The following EXOC2 variants were observed in gnomAD, a reference collection of about 807,000 sequenced individuals.
EXOC2 encodes the protein SEC5-like 1.
EXOC2 carries 70 observed loss-of-function variants against 131.8 expected under a neutral mutation model. The observed-to-expected ratio is 0.53, with a 90% CI of 0.44 to 0.65. The LOEUF (loss-of-function observed/expected upper bound fraction) is 0.65. EXOC2 is among the 30% of genes least tolerant of loss of function. EXOC2 has a pLI of 0.00. For synonymous variants in EXOC2, 411 were observed against 398.4 expected (o/e 1.03, Z -0.38); for missense variants, 923 against 1,108.6 (o/e 0.83, Z 2.38).
intron 25 of EXOC2, among the ~76,000 whole-genome samples, chr6:495,152 G>A (rs1581293110): frequency 7.6e-6 from 1 of 131,952 alleles, no homozygotes; most frequent in African/African-American, 2.8e-5. Flanking sequence ...TTGAGACGGA[G>A]TCTCGCTCTT....
At chr6:642,024 AC>A (rs1485876446) in intron 1 of EXOC2, among the ~76,000 whole-genome samples, 1 of 152,062 alleles carries the variant, frequency 6.6e-6, no homozygotes, top group Non-Finnish European at 1.5e-5. Flanking sequence ...ACCCGTCCAC[AC>A]TGCCTACTTC....
At chr6:491,251 T>G (rs1391159736) in intron 25 of EXOC2, 65 bp from the exon 26 acceptor site, 8 of 1,533,412 alleles carry the variant, frequency 5.2e-6, no homozygotes, top group Non-Finnish European at 7.2e-6. Flanking sequence ...AAACAAGTAC[T>G]AAGGTTAAGG....
At position 576,897 on chromosome 6, in the gene EXOC2, A is replaced by G. The variant is rs766395746; in HGVS notation, c.1193-15T>C. 6.2e-7 allele frequency: 1 copy of G among 1,613,020 alleles called. No homozygotes were observed. The highest frequency in any genetic ancestry group is 1.1e-5 in the South Asian group (1 of 90,962). On this transcript the variant is annotated splice_polypyrimidine_tract_variant and intron_variant, in intron 11 of 27. Transcript: ENST00000230449. ...GCCTGGGTTACCTGGGGAAGAAAGG[A>G]GAGATATACAGAGTATATAGCATGC...
intron 23 of EXOC2, among the ~76,000 whole-genome samples, chr6:512,918 T>C (rs1764933186): frequency 6.6e-6 from 1 of 152,226 alleles, no homozygotes; most frequent in Non-Finnish European, 1.5e-5. Flanking sequence ...ATATTTTCAT[T>C]TGAAAATGGA....
rs562697568 is a variant in EXOC2, at chr6:580,204, G to C, written c.1193-3322C>G. 2.0e-5 allele frequency among the ~76,000 whole-genome samples: 3 copies of C among 152,182 alleles called. No individual in the cohort carries two copies. The East Asian group carries it at 5.8e-4, about 29-fold the overall frequency. ...CTACAGGCATGCACCACCATGCCCAGCTAATTTTTGTATTTTTAGTAGAGA... is the reference window on the plus strand; with the variant it reads ...CTACAGGCATGCACCACCATGCCCACCTAATTTTTGTATTTTTAGTAGAGA... On this transcript the variant is annotated intron_variant, in intron 11 of 27. Coordinates refer to ENST00000230449, the MANE Select transcript of EXOC2 (RefSeq NM_018303.6).
intron 22 of EXOC2, among the ~76,000 whole-genome samples, chr6:545,659 A>T (rs901348597): frequency 1.3e-5 from 2 of 152,248 alleles, no homozygotes; most frequent in Non-Finnish European, 2.9e-5. Context: ...ATGTGATGAG[A>T]TCAGCTTCCA....
At chr6:538,722 C>A (rs1037141894) in intron 22 of EXOC2, among the ~76,000 whole-genome samples, 2 of 152,190 alleles carry the variant, frequency 1.3e-5, no homozygotes, top group African/African-American at 4.8e-5. Flanking sequence ...AAAAGCAATG[C>A]GCATTCAGTA....
At chr6:681,071 T>C (rs1164001885) in intron 1 of EXOC2, among the ~76,000 whole-genome samples, 6 of 152,222 alleles carry the variant, frequency 3.9e-5, no homozygotes, top group Admixed American at 2.6e-4. Context: ...ACAGATGCCA[T>C]TCCTTGATTC....
At chr6:638,192 T>C (rs1762191025) in intron 1 of EXOC2, among the ~76,000 whole-genome samples, 1 of 152,212 alleles carries the variant, frequency 6.6e-6, no homozygotes, top group Non-Finnish European at 1.5e-5. Context: ...TACTAGGAAC[T>C]GTTCTACTGT....
At chr6:528,424 G>A (rs998885440) in intron 23 of EXOC2, among the ~76,000 whole-genome samples, 3 of 152,180 alleles carry the variant, frequency 2.0e-5, no homozygotes, top group African/African-American at 7.2e-5. Context: ...CTCAACTTAA[G>A]TCAGCTTTAA....
intron 26 of EXOC2, among the ~76,000 whole-genome samples, chr6:490,551 G>A (rs1029987891): frequency 6.6e-5 from 10 of 152,210 alleles, no homozygotes; most frequent in African/African-American, 2.4e-4. Flanking sequence ...GAGTGAGTAA[G>A]CATATTACAG....
intron 1 of EXOC2, among the ~76,000 whole-genome samples, chr6:643,507 T>A (rs1762445740): frequency 6.6e-6 from 1 of 152,114 alleles, no homozygotes; most frequent in Non-Finnish European, 1.5e-5. Flanking sequence ...TTGAAATGAA[T>A]GATAAGAAAC....
At chr6:534,331 C>T (rs1312919008) in intron 22 of EXOC2, among the ~76,000 whole-genome samples, 4 of 152,104 alleles carry the variant, frequency 2.6e-5, no homozygotes, top group Admixed American at 6.5e-5. Flanking sequence ...CTTGAGTAGG[C>T]TTGCAGAGTG....
rs148696498 is a variant in EXOC2 at position 533,437 on chromosome 6, C to G, written c.2239-827G>C. 8.3e-3 allele frequency among the ~76,000 whole-genome samples: 1,271 copies of G among 152,282 alleles called. 17 individuals are homozygous for G. Among genetic ancestry groups the G allele is most frequent in the African/African-American group, 0.029 (1,212 of 41,546 alleles). On this transcript the variant is annotated intron_variant, in intron 22 of 27. Coordinates refer to ENST00000230449, the MANE Select transcript of EXOC2 (RefSeq NM_018303.6). ...CCAGTGTGGCTCCCCTGGATTCTCC[C>G]TCCAGTTACAGCTCTGCTTGAGGGG...
At chr6:649,087 C>T (rs991263227) in intron 1 of EXOC2, among the ~76,000 whole-genome samples, 3 of 152,028 alleles carry the variant, frequency 2.0e-5, no homozygotes, top group African/African-American at 4.8e-5. Flanking sequence ...TTCACAGGTG[C>T]GATCAGGGTG....
intron 10 of EXOC2, among the ~76,000 whole-genome samples, chr6:596,659 G>C (rs6902059): frequency 0.089 from 13,608 of 152,176 alleles, 1,043 homozygotes; most frequent in African/African-American, 0.21. Flanking sequence ...GGGCCACTGT[G>C]TCTGTTCCTG....
rs571580943 is a variant in EXOC2, at chr6:602,675, C to T, written c.743-3450G>A. Among the ~76,000 whole-genome samples, 3 of 152,338 alleles carry T rather than the reference C, an allele frequency of 2.0e-5. No individual in the cohort carries two copies. In the South Asian group the frequency reaches 6.2e-4, roughly 32 times the overall value. On this transcript the variant is annotated intron_variant, in intron 7 of 27. Coordinates refer to ENST00000230449, the MANE Select transcript of EXOC2 (RefSeq NM_018303.6). ...GCAAACCAAGGTCTGGAACTTGGTC[C>T]TTTCTCCTCACCCAAAGATGGTCTC...
chr6:546,279 G>A (rs181409581), intron 22 of EXOC2, among the ~76,000 whole-genome samples: 186 of 152,240 alleles, frequency 1.2e-3, no homozygotes, highest in African/African-American at 4.4e-3. Flanking sequence ...GCATGCACAT[G>A]GCAGGACGCT....
At chr6:683,336 G>A (rs1462479272) in intron 1 of EXOC2, among the ~76,000 whole-genome samples, 16 of 152,168 alleles carry the variant, frequency 1.1e-4, no homozygotes, top group Non-Finnish European at 4.4e-5. Context: ...CAACAATAAT[G>A]TTCAGGAATG....
Sources: allele counts gnomAD v4.1 joint callset (sites outside exome capture counted in the v4.1 genomes callset), GRCh38; gene constraint gnomAD v4.1.1; transcripts MANE v1.5; gene names NCBI Gene and HGNC (gene_info 2026-07-23, HGNC 2026-07-21).